FSTL4: variants seen among roughly 807,000 people sequenced by gnomAD.
FSTL4 encodes follistatin like 4, also known as follistatin-related protein 4.
Under a neutral mutation model 78.2 loss-of-function variants are expected in FSTL4, and 28 were observed. The observed-to-expected ratio is 0.36, with a 90% CI of 0.27 to 0.49. The LOEUF (loss-of-function observed/expected upper bound fraction) is 0.49, where lower values mean the gene tolerates loss of function less well. Ranked by LOEUF, FSTL4 falls within the 20% of genes least tolerant of loss-of-function variation. The probability of loss-of-function intolerance (pLI) is 0.98; values close to 1 mark genes in which losing one functional copy is unlikely to be tolerated. For synonymous variants in FSTL4, 422 were observed against 440.5 expected (o/e 0.96, Z 0.53); for missense variants, 922 against 1,084.9 (o/e 0.85, Z 2.11).
the FSTL4 span, among the ~76,000 whole-genome samples, chr5:133,702,278 T>C: frequency 6.6e-6 from 1 of 152,206 alleles, no homozygotes; most frequent in African/African-American, 2.4e-5. Context: ...GAACCTAGTA[T>C]CAATCCTAGA....
chr5:133,456,031 G>A (rs181642302), intron 3 of FSTL4, among the ~76,000 whole-genome samples: 2 of 152,362 alleles, frequency 1.3e-5, no homozygotes, highest in East Asian at 1.9e-4. Context: ...TACTTGCTAC[G>A]TGTAAGGCAG....
At chr5:133,571,976 A>G (rs528438166) in intron 2 of FSTL4, among the ~76,000 whole-genome samples, 4 of 152,342 alleles carry the variant, frequency 2.6e-5, no homozygotes, top group Admixed American at 2.6e-4. Flanking sequence ...GGCAGAATCA[A>G]TACTGAAAGA....
the FSTL4 span, among the ~76,000 whole-genome samples, chr5:133,647,337 C>G: frequency 6.6e-6 from 1 of 152,172 alleles, no homozygotes; most frequent in Non-Finnish European, 1.5e-5. Flanking sequence ...CGTAAATTGA[C>G]TACCCTTCTC....
intron 1 of FSTL4, 111 bp from the exon 2 acceptor site, chr5:133,604,104 T>C (rs1432565911): frequency 4.0e-6 from 3 of 756,890 alleles, no homozygotes; most frequent in Non-Finnish European, 4.4e-6. Flanking sequence ...GTTTAAATCC[T>C]GGCACCAAAC....
chr5:133,620,115 G>T, the FSTL4 span, among the ~76,000 whole-genome samples: 1 of 152,182 alleles, frequency 6.6e-6, no homozygotes, highest in Non-Finnish European at 1.5e-5. Flanking sequence ...ATACAAAAAA[G>T]TGTTTTAGGA....
At chr5:133,496,956 C>A (rs1410461790) in intron 3 of FSTL4, among the ~76,000 whole-genome samples, 2 of 152,214 alleles carry the variant, frequency 1.3e-5, no homozygotes, top group Non-Finnish European at 2.9e-5. Flanking sequence ...GCCAGCCCTA[C>A]CCCAATCCTC....
At chr5:133,675,593 G>A in the FSTL4 span, among the ~76,000 whole-genome samples, 2 of 152,186 alleles carry the variant, frequency 1.3e-5, no homozygotes, top group South Asian at 2.1e-4. Context: ...CTAGCGTGGT[G>A]CAGTCCCTGG....
At chr5:133,700,232 C>T in the FSTL4 span, among the ~76,000 whole-genome samples, 1 of 149,164 alleles carries the variant, frequency 6.7e-6, no homozygotes, top group Non-Finnish European at 1.5e-5. Context: ...CACACCAAAC[C>T]ACCACACCAA....
chr5:133,364,401 G>T (rs978945031), intron 4 of FSTL4, among the ~76,000 whole-genome samples: 33 of 152,198 alleles, frequency 2.2e-4, no homozygotes, highest in Non-Finnish European at 5.9e-5. Context: ...CCTGATCGAG[G>T]TGGCAGCAGG....
chr5:133,199,701 G>A lies in FSTL4; in HGVS notation c.1923C>T (p.Gly641=), dbSNP rs2126757114. ...PLKTIGLHHH[G]CVPQAMAHTH... The stretch of plus-strand genomic sequence containing the variant: ...TGTGTGCCATGGCCTGGGGCACGCA[G>A]CCATGGTGGTGCAGGCCGATGGTCT... The change falls in exon 16 of 16, where the codon GGC becomes GGT. Residue 641 remains glycine, a synonymous_variant. Coordinates refer to ENST00000265342, the MANE Select transcript of FSTL4 (RefSeq NM_015082.2). This position sits in a 1 kb window ranked among gnomAD's most constrained non-coding sequence, Gnocchi z 4.4. 1 of 1,613,468 alleles carries A rather than the reference G, an allele frequency of 6.2e-7. No homozygotes were observed. The highest frequency in any genetic ancestry group is 2.2e-5 in the East Asian group (1 of 44,860).
intron 4 of FSTL4, among the ~76,000 whole-genome samples, chr5:133,326,294 T>A (rs1223928506): frequency 6.6e-6 from 1 of 152,224 alleles, no homozygotes; most frequent in Non-Finnish European, 1.5e-5. Flanking sequence ...ACTGACAGTG[T>A]TGACTGAGCC....
At chr5:133,248,955 C>T (rs766389090) in intron 7 of FSTL4, among the ~76,000 whole-genome samples, 1 of 152,232 alleles carries the variant, frequency 6.6e-6, no homozygotes, top group Non-Finnish European at 1.5e-5. Flanking sequence ...CCACCCCTTC[C>T]CTGCACACAG....
the FSTL4 span, among the ~76,000 whole-genome samples, chr5:133,787,507 C>A: frequency 6.6e-6 from 1 of 152,204 alleles, no homozygotes; most frequent in African/African-American, 2.4e-5. Flanking sequence ...GGGGCCTGAA[C>A]TGAACCCAGG....
chr5:133,392,730 G>A (rs1335254457), intron 4 of FSTL4, among the ~76,000 whole-genome samples: 3 of 152,104 alleles, frequency 2.0e-5, no homozygotes, highest in South Asian at 2.1e-4. Context: ...AGCAACCAAC[G>A]GGACTGAGGA....
At chr5:133,381,637 C>T (rs1354933279) in intron 4 of FSTL4, among the ~76,000 whole-genome samples, 1 of 152,176 alleles carries the variant, frequency 6.6e-6, no homozygotes, top group Non-Finnish European at 1.5e-5. Context: ...CTTGTCTTCA[C>T]GATCATTCTT....
chr5:133,229,047 C>T (rs535233792), intron 8 of FSTL4, among the ~76,000 whole-genome samples: 2 of 152,240 alleles, frequency 1.3e-5, no homozygotes, highest in South Asian at 4.1e-4. Flanking sequence ...TGCTTATACA[C>T]CAGCAATGGC....
At chr5:133,801,663 G>A in the FSTL4 span, among the ~76,000 whole-genome samples, 7 of 152,242 alleles carry the variant, frequency 4.6e-5, no homozygotes, top group East Asian at 5.8e-4. Context: ...GCCTTGATGC[G>A]AGGGGTTCAG....
intron 3 of FSTL4, among the ~76,000 whole-genome samples, chr5:133,482,819 C>T (rs1324773006): frequency 6.6e-6 from 1 of 152,110 alleles, no homozygotes; most frequent in Non-Finnish European, 1.5e-5. Context: ...AGCAAGCCTA[C>T]AGGGAAGCTC....
the FSTL4 span, among the ~76,000 whole-genome samples, chr5:133,800,693 A>G: frequency 4.4e-5 from 6 of 137,688 alleles, no homozygotes; most frequent in Non-Finnish European, 9.7e-5. Flanking sequence ...TTGAAATATA[A>G]GCCCGGAGCT....
Sources: gnomAD v4.1 joint callset for allele counts (sites outside exome capture counted in the v4.1 genomes callset) on GRCh38, gnomAD v4.1.1 for gene constraint, Gnocchi (gnomAD v3.1) non-coding constraint, MANE v1.5 for transcripts, NCBI Gene and HGNC (gene_info 2026-07-23, HGNC 2026-07-21) for gene names.